Variants in CSMD3 observed in about 807,000 individuals in gnomAD.
The protein encoded by CSMD3 is CUB and Sushi multiple domains 3.
Under a neutral mutation model 435.2 loss-of-function variants are expected in CSMD3, and 177 were observed. The observed-to-expected ratio is 0.41, with a 90% CI of 0.36 to 0.46. CSMD3 has a LOEUF of 0.46. Among genes scored for constraint, CSMD3 ranks in the 20% least tolerant of loss-of-function variants. CSMD3 has a pLI of 0.34. For synonymous variants in CSMD3, 1,656 were observed against 1,520.5 expected, an observed-to-expected ratio of 1.09 and a Z score of -2.07; for missense variants, 4,265 against 4,504.6, an observed-to-expected ratio of 0.95 and a Z score of 1.52.
chr8:112,859,000 G>A, intron 11 of CSMD3, 145 bp downstream of exon 11: 1 of 657,750 alleles, frequency 1.5e-6, no homozygotes, highest in South Asian at 1.9e-5. Context: ...ATATAAATCT[G>A]GTTTATAAAC....
Position 113,339,461 on chromosome 8 carries a change from A to T in CSMD3, c.179-24668T>A, listed in dbSNP as rs1048025511. ...TGTTACCAAAAAAATGCATTAAGTT[A>T]TTTTATTTTCTTCAGAAGAGGACAA... On this transcript the variant is annotated intron_variant, in intron 1 of 70. Coordinates refer to ENST00000297405, the MANE Select transcript of CSMD3 (RefSeq NM_198123.2). 6.0e-5 allele frequency among the ~76,000 whole-genome samples: 9 copies of T among 150,868 alleles called. No individual in the cohort carries two copies. The South Asian group carries it at 8.3e-4, about 14-fold the overall frequency.
At chr8:113,212,075 A>C (rs2092842298) in intron 3 of CSMD3, among the ~76,000 whole-genome samples, 1 of 152,162 alleles carries the variant, frequency 6.6e-6, no homozygotes, top group Non-Finnish European at 1.5e-5. Flanking sequence ...ATACCTTTGT[A>C]TATTATAAGA....
At chr8:112,998,405 T>C (rs1351289869) in intron 6 of CSMD3, among the ~76,000 whole-genome samples, 3 of 151,900 alleles carry the variant, frequency 2.0e-5, no homozygotes, top group Admixed American at 6.6e-5. Flanking sequence ...TTATTCTATA[T>C]GGTCATTTCC....
chr8:112,350,243 T>C (rs1350693468), intron 40 of CSMD3, among the ~76,000 whole-genome samples: 1 of 151,582 alleles, frequency 6.6e-6, no homozygotes, highest in Non-Finnish European at 1.5e-5. Context: ...GGTACGGTCA[T>C]TGTGCAGAGT....
intron 3 of CSMD3, among the ~76,000 whole-genome samples, chr8:113,202,755 T>A (rs573219957): frequency 6.6e-6 from 1 of 152,238 alleles, no homozygotes; most frequent in African/African-American, 2.4e-5. Flanking sequence ...TGTATTCAAT[T>A]TGGACGCAAT....
chr8:112,650,008 T>C (rs1225285651), intron 19 of CSMD3, among the ~76,000 whole-genome samples, 153 bp downstream of exon 19: 1 of 152,158 alleles, frequency 6.6e-6, no homozygotes, highest in African/African-American at 2.4e-5. Context: ...AGTCTTTATT[T>C]CATGAATGGT....
At chr8:112,488,935 A>C (rs1356890238) in intron 31 of CSMD3, among the ~76,000 whole-genome samples, 1 of 152,188 alleles carries the variant, frequency 6.6e-6, no homozygotes. Context: ...ATAAGAGGAT[A>C]GAGAGGGATA....
At chr8:113,247,592 A>G (rs1157511652) in intron 3 of CSMD3, among the ~76,000 whole-genome samples, 2 of 152,104 alleles carry the variant, frequency 1.3e-5, no homozygotes, top group Non-Finnish European at 2.9e-5. Flanking sequence ...GAATTTTGAC[A>G]ATTTTTGCCA....
intron 13 of CSMD3, among the ~76,000 whole-genome samples, chr8:112,708,733 T>G: frequency 1.2e-5 from 1 of 81,816 alleles, no homozygotes; most frequent in Non-Finnish European, 2.3e-5. Flanking sequence ...AAAAAAAACC[T>G]ACAAAAAAAA....
intron 45 of CSMD3, among the ~76,000 whole-genome samples, chr8:112,331,212 CA>C (rs1824021412): frequency 6.6e-6 from 1 of 151,954 alleles, no homozygotes. Context: ...ATTTATCTTT[CA>C]GGGGGTCATT....
chr8:113,118,968 A>G (rs1021103191), intron 4 of CSMD3, among the ~76,000 whole-genome samples: 1 of 152,136 alleles, frequency 6.6e-6, no homozygotes, highest in African/African-American at 2.4e-5. Flanking sequence ...ACAAAATAAG[A>G]GTAGTAAGAA....
chr8:113,042,976 T>C (rs2087683854), intron 5 of CSMD3, among the ~76,000 whole-genome samples: 1 of 152,162 alleles, frequency 6.6e-6, no homozygotes, highest in Admixed American at 6.5e-5. Flanking sequence ...ATTCTTCTTC[T>C]GAACAATCAG....
chr8:112,489,025 T>TA (rs977010884), intron 31 of CSMD3, among the ~76,000 whole-genome samples: 5 of 152,028 alleles, frequency 3.3e-5, no homozygotes, highest in Non-Finnish European at 2.9e-5. Flanking sequence ...CAGATAAAAA[T>TA]AAAAAAATTA....
intron 7 of CSMD3, among the ~76,000 whole-genome samples, chr8:112,973,351 A>G (rs1252158582): frequency 5.3e-5 from 8 of 151,752 alleles, no homozygotes; most frequent in Non-Finnish European, 1.2e-4. Context: ...TAAAAGACTC[A>G]CTCTCTGCAT....
chr8:112,543,633 G>A (rs961699204), intron 27 of CSMD3, among the ~76,000 whole-genome samples: 1 of 152,024 alleles, frequency 6.6e-6, no homozygotes, highest in Non-Finnish European at 1.5e-5. Context: ...TGGTGGGAAC[G>A]CAAAATGGTG....
At position 113,005,356 on chromosome 8, in the gene CSMD3, A is replaced by T. The variant is rs184893841; in HGVS notation, c.1030+13711T>A. The stretch of plus-strand genomic sequence containing the variant: ...GGACAGAAATATTTTACATGTTGAC[A>T]TATTCACAATATGTAAACTATGTAA... On this transcript the variant is annotated intron_variant, in intron 6 of 70. Transcript: ENST00000297405. Among the ~76,000 whole-genome samples, 58 of 152,168 alleles carry T rather than the reference A, an allele frequency of 3.8e-4. 1 individual carries two copies. The highest frequency in any genetic ancestry group is 1.0e-3 in the Admixed American group (16 of 15,240).
rs35981917 is a variant in CSMD3, at chr8:113,108,426, C to CAA, written c.710-9465_710-9464dup. 2.6e-3 allele frequency among the ~76,000 whole-genome samples: 339 copies of CAA among 129,750 alleles called. 1 individual carries two copies. Among genetic ancestry groups the CAA allele is most frequent in the South Asian group, 0.015 (61 of 4,108 alleles). The allele number at this position is 129,750 out of a possible 152,430, so 85.1% of individuals were successfully genotyped here. On this transcript the variant is annotated intron_variant, in intron 4 of 70. Transcript: ENST00000297405. ...CTAGTGAGAGGACGAGACGCCATCT[C>CAA]AAAAAAAAAAAAAAGGTTATGTATG...
chr8:112,890,708 A>G (rs2130322204), intron 10 of CSMD3, among the ~76,000 whole-genome samples: 1 of 151,836 alleles, frequency 6.6e-6, no homozygotes, highest in African/African-American at 2.4e-5. Flanking sequence ...CTAATATGCG[A>G]CTTTCATAGA....
chr8:112,418,335 G>A lies in CSMD3; in HGVS notation c.5396-9303C>T, dbSNP rs544144308. 4.6e-5 allele frequency among the ~76,000 whole-genome samples: 7 copies of A among 152,082 alleles called. No homozygotes were observed. The South Asian group carries it at 6.2e-4, about 14-fold the overall frequency. On this transcript the variant is annotated intron_variant, in intron 32 of 70. Coordinates refer to ENST00000297405, the MANE Select transcript of CSMD3 (RefSeq NM_198123.2). Reference sequence around the variant, plus strand: ...TTTGTTACATATGTATACATGTGTCGTATTTTCATCTCATATGAATATTTT... The same window carrying A: ...TTTGTTACATATGTATACATGTGTCATATTTTCATCTCATATGAATATTTT...
Sources: gnomAD v4.1 joint callset for allele counts (sites outside exome capture counted in the v4.1 genomes callset) on GRCh38, gnomAD v4.1.1 for gene constraint, MANE v1.5 for transcripts, NCBI Gene and HGNC (gene_info 2026-07-23, HGNC 2026-07-21) for gene names.